APLN: variants seen among roughly 807,000 people sequenced by gnomAD.
APLN encodes the protein AGTRL1 ligand.
Under a neutral mutation model 4.3 loss-of-function variants are expected in APLN, and 2 were observed. That is an observed-to-expected ratio of 0.46 (90% CI 0.19 to 1.45). The LOEUF (loss-of-function observed/expected upper bound fraction) is 1.45, where lower values mean the gene tolerates loss of function less well. Among genes scored for constraint, APLN ranks in the 40% most tolerant of loss-of-function variants. The pLI is 0.25. For missense variants in APLN, 80 were observed against 70.0 expected (o/e 1.14, Z -0.51); for synonymous variants, 34 against 30.4 (o/e 1.12, Z -0.38).
chrX:129,648,882 C>A, intron 1 of APLN, 90 bp from the exon 2 acceptor site: 1 of 840,871 alleles, frequency 1.2e-6, no homozygotes, highest in Non-Finnish European at 1.6e-6. Flanking sequence ...GGTGGTCTGT[C>A]CATGTGGTGG....
rs70961724 is a variant in APLN at position 129,646,199 on chromosome X, AAGC to A, written c.*1721_*1723del. The A allele has an allele frequency of 5.5e-4, 67 of 121,970 alleles. No homozygotes were observed. Among genetic ancestry groups the A allele is most frequent in the East Asian group, 1.0e-3 (4 of 3,814 alleles). The allele number at this position is 121,970 out of a possible 1,213,427, so 10.1% of individuals were successfully genotyped here. On this transcript the variant is annotated 3_prime_UTR_variant, in exon 3 of 3. Coordinates refer to ENST00000429967, the MANE Select transcript of APLN (RefSeq NM_017413.5). ...GTCCCCACTCCAAGCATGAGCCTTT[AAGC>A]AGCAGCAGCAGCAGCAGCAGCGTTA...
rs1936936534 is a variant in APLN, at chrX:129,645,932, T to C, written c.*1991A>G. On this transcript the variant is annotated 3_prime_UTR_variant, in exon 3 of 3. Coordinates refer to ENST00000429967, the MANE Select transcript of APLN (RefSeq NM_017413.5). ...CTTAATATCTTTGTATAAATTAGTATAAGAATCATAAACAACCACTTTAAA... is the reference window on the plus strand; with the variant it reads ...CTTAATATCTTTGTATAAATTAGTACAAGAATCATAAACAACCACTTTAAA... 1 of 112,635 alleles carries C rather than the reference T, an allele frequency of 8.9e-6. No homozygotes were observed. The highest frequency in any genetic ancestry group is 1.9e-5 in the Non-Finnish European group (1 of 53,258). 9.3% of individuals were successfully genotyped at this position (112,635 alleles called of 1,213,427 possible).
Position 129,647,515 on chromosome X carries a change from T to A in APLN, c.*408A>T. The A allele has an allele frequency of 2.7e-6, 2 of 729,932 alleles. No individual in the cohort carries two copies. Among genetic ancestry groups the A allele is most frequent in the Non-Finnish European group, 3.6e-6 (2 of 555,368 alleles). The allele number at this position is 729,932 out of a possible 1,213,427, so 60.2% of individuals were successfully genotyped here. On this transcript the variant is annotated 3_prime_UTR_variant, in exon 3 of 3. Transcript: ENST00000429967. ...CCAACTGACAGGAAAACAAGGGATC[T>A]GCTGGAGCCCACAGAAGGGAGCACT...
At chrX:129,651,496 C>T (rs1331942275) in intron 1 of APLN, among the ~76,000 whole-genome samples, 3 of 112,253 alleles carry the variant, frequency 2.7e-5, no homozygotes, top group Non-Finnish European at 5.6e-5. Context: ...GAGGCCAGCC[C>T]TAATGCACTT....
Position 129,650,498 on chromosome X carries a change from T to C in APLN, c.68-1706A>G, listed in dbSNP as rs149589337. Among the ~76,000 whole-genome samples the C allele has an allele frequency of 4.3e-3, 473 of 110,844 alleles. 22 individuals are homozygous for C. The East Asian group carries it at 0.11, about 26-fold the overall frequency. ...CACATAAACACATATTCTCCAAGCC[T>C]GCACCCTCCTTCCCTCTTTCCCCAA... On this transcript the variant is annotated intron_variant, in intron 1 of 2. Transcript: ENST00000429967.
intron 1 of APLN, among the ~76,000 whole-genome samples, chrX:129,653,947 G>C (rs1208100400): frequency 8.9e-6 from 1 of 111,750 alleles, no homozygotes; most frequent in Admixed American, 9.3e-5. Flanking sequence ...AGCCCAGCCC[G>C]GCTGGGCCCG....
At chrX:129,653,436 T>C (rs778183900) in intron 1 of APLN, among the ~76,000 whole-genome samples, 543 of 112,725 alleles carry the variant, frequency 4.8e-3, no homozygotes, top group Non-Finnish European at 7.1e-3. Flanking sequence ...GCCTTCTCCT[T>C]CTTTCTGCTC....
At position 129,654,604 on chromosome X, in the gene APLN, C is replaced by T. The variant is rs1478360436; in HGVS notation, c.27G>A (p.Ala9=). 48 of 1,151,461 alleles carry T rather than the reference C, an allele frequency of 4.2e-5. No individual in the cohort carries two copies. Among genetic ancestry groups the T allele is most frequent in the Non-Finnish European group, 5.4e-5 (47 of 868,149 alleles). 94.9% of individuals were successfully genotyped at this position (1,151,461 alleles called of 1,213,427 possible). A position where few individuals can be genotyped will look rare whatever the true frequency, so the allele number is the denominator to read the frequency against. ...TCAAGGAGAGCCAGAGCAGCAGGAG[C>T]GCCTGCACGCAGAGCCGCAGATTCA... The part of the protein sequence containing the change: MNLRLCVQ[A]LLLLWLSLTA... The change falls in exon 1 of 3, where the codon GCG becomes GCA. Residue 9 remains alanine (A), a synonymous_variant. Coordinates refer to ENST00000429967, the MANE Select transcript of APLN (RefSeq NM_017413.5).
In APLN at chrX:129,647,885, GC is replaced by G. The variant is rs941631517; in HGVS notation, c.*37del. 16 of 983,193 alleles carry G rather than the reference GC, an allele frequency of 1.6e-5. No homozygotes were observed. Among genetic ancestry groups the G allele is most frequent in the Admixed American group, 3.0e-5 (1 of 33,157 alleles). The allele number at this position is 983,193 out of a possible 1,213,427, so 81.0% of individuals were successfully genotyped here. A position where few individuals can be genotyped will look rare whatever the true frequency, so the allele number is the denominator to read the frequency against. On this transcript the variant is annotated 3_prime_UTR_variant, in exon 3 of 3. Coordinates refer to ENST00000429967, the MANE Select transcript of APLN (RefSeq NM_017413.5). ...ACCAATCTATGGAGGAGACATAACC[GC>G]CGGGGGTGGGCACTTGGGGGCCCCT...
At chrX:129,648,535 C>T in intron 2 of APLN, 86 bp downstream of exon 2, 1 of 1,059,139 alleles carries the variant, frequency 9.4e-7, no homozygotes, top group Non-Finnish European at 1.3e-6. Context: ...TGTGTCTGGC[C>T]AGTGATGAGC....
chrX:129,652,214 C>A (rs1161425461), intron 1 of APLN, among the ~76,000 whole-genome samples: 1 of 111,491 alleles, frequency 9.0e-6, no homozygotes, highest in Non-Finnish European at 1.9e-5. Flanking sequence ...GGACACTTGG[C>A]CCTGGACCAG....
chrX:129,651,698 C>T (rs761108461), intron 1 of APLN, among the ~76,000 whole-genome samples: 1 of 112,232 alleles, frequency 8.9e-6, no homozygotes, highest in Non-Finnish European at 1.9e-5. Context: ...GAACTCCAAC[C>T]CTGCCAATGC....
chrX:129,648,817 G>A, intron 1 of APLN, 25 bp from the exon 2 acceptor site: 1 of 1,141,978 alleles, frequency 8.8e-7, no homozygotes, highest in Admixed American at 2.8e-5. Flanking sequence ...AAGCCTGTTA[G>A]TGAGGAAGGT....
At chrX:129,652,043 G>A (rs1158373642) in intron 1 of APLN, among the ~76,000 whole-genome samples, 1 of 111,652 alleles carries the variant, frequency 9.0e-6, no homozygotes, top group Admixed American at 9.5e-5. Flanking sequence ...CAGGTTACAC[G>A]GGTGCTTAGT....
intron 1 of APLN, 122 bp downstream of exon 1, chrX:129,654,442 G>A: frequency 1.8e-6 from 1 of 568,811 alleles, no homozygotes; most frequent in Non-Finnish European, 2.5e-6. Flanking sequence ...GCGCTGGCCG[G>A]CGCGTGGCTG....
chrX:129,654,863 C>T lies in APLN; in HGVS notation c.-233G>A. ...AGCGCCGCGAAGCTGGCCTCGGCGG[C>T]TCCGGGAGCGGCAGCGGCGAGCTCT... On this transcript the variant is annotated 5_prime_UTR_variant, in exon 1 of 3. Transcript: ENST00000429967. 1.6e-5 allele frequency: 3 copies of T among 186,672 alleles called. No individual in the cohort carries two copies. Among genetic ancestry groups the T allele is most frequent in the Non-Finnish European group, 2.0e-5 (2 of 100,881 alleles). The allele number at this position is 186,672 out of a possible 1,213,427, so 15.4% of individuals were successfully genotyped here.
chrX:129,650,305 C>A (rs1361451179), intron 1 of APLN, among the ~76,000 whole-genome samples: 2 of 110,757 alleles, frequency 1.8e-5, no homozygotes, highest in Non-Finnish European at 3.8e-5. Flanking sequence ...TTCCTTGGCT[C>A]CTTGGTTTTT....
intron 1 of APLN, 43 bp from the exon 2 acceptor site, chrX:129,648,835 A>G: frequency 9.0e-7 from 1 of 1,115,412 alleles, no homozygotes; most frequent in Non-Finnish European, 1.2e-6. Flanking sequence ...GGTTGTTGGA[A>G]ACGGGCAGGG....
chrX:129,654,606 C>A lies in APLN; in HGVS notation c.25G>T (p.Ala9Ser). The A allele has an allele frequency of 8.7e-7, 1 of 1,153,416 alleles. No individual in the cohort carries two copies. Among genetic ancestry groups the A allele is most frequent in the Non-Finnish European group, 1.2e-6 (1 of 868,806 alleles). The change falls in exon 1 of 3, where the codon GCG becomes TCG. Residue 9 changes from alanine (A) to serine (S), a missense_variant. By Grantham distance (99) the Ala-to-Ser change is moderately conservative (BLOSUM62 1). Coordinates refer to ENST00000429967, the MANE Select transcript of APLN (RefSeq NM_017413.5). ...AAGGAGAGCCAGAGCAGCAGGAGCGCCTGCACGCAGAGCCGCAGATTCATG... is the reference window on the plus strand; with the variant it reads ...AAGGAGAGCCAGAGCAGCAGGAGCGACTGCACGCAGAGCCGCAGATTCATG... MNLRLCVQALLLLWLSLTA... is the reference protein window; with the variant it reads MNLRLCVQSLLLLWLSLTA...
Sources: allele counts gnomAD v4.1 joint callset (sites outside exome capture counted in the v4.1 genomes callset), GRCh38; gene constraint gnomAD v4.1.1; transcripts MANE v1.5; gene names NCBI Gene and HGNC (gene_info 2026-07-23, HGNC 2026-07-21).